Variants in NFKBIA observed in about 807,000 individuals in gnomAD.
The protein encoded by NFKBIA is NF-kappa-B inhibitor alpha.
Under a neutral mutation model 36.3 loss-of-function variants are expected in NFKBIA, and 10 were observed. The ratio of observed to expected loss-of-function variants is 0.28; its 90% confidence interval spans 0.17 to 0.47. NFKBIA has a LOEUF of 0.47. Among genes scored for constraint, NFKBIA ranks in the 20% least tolerant of loss-of-function variants. NFKBIA has a pLI of 0.99. For synonymous variants in NFKBIA, 205 were observed against 164.4 expected, an observed-to-expected ratio of 1.25 and a Z score of -1.89; for missense variants, 355 against 399.3, an observed-to-expected ratio of 0.89 and a Z score of 0.94.
At position 35,404,536 on chromosome 14, in the gene NFKBIA, T is replaced by A; in HGVS notation, c.109A>T (p.Met37Leu). 2 of 1,603,902 alleles carry A rather than the reference T, an allele frequency of 1.2e-6. No homozygotes were observed. The highest frequency in any genetic ancestry group is 2.7e-5 in the African/African-American group (2 of 74,258). Residue 37 changes from methionine to leucine, a missense_variant, in exon 1 of 6, where the codon ATG becomes TTG. Physicochemically the swap from Met to Leu is conservative, Grantham distance 15 (BLOSUM62 2). Transcript: ENST00000216797. ...DDRHDSGLDS[M>L]KDEEYEQMVK... ...ATCTGCTCGTACTCCTCGTCTTTCA[T>A]GGAGTCCAGGCCGCTGTCGTGGCGG...
rs927721263 is a variant in NFKBIA at position 35,402,939 on chromosome 14, G to A, written c.548-80C>T. 23 of 1,419,338 alleles carry A rather than the reference G, an allele frequency of 1.6e-5. No homozygotes were observed. In the East Asian group the frequency reaches 3.1e-4, roughly 19 times the overall value. 87.9% of individuals were successfully genotyped at this position (1,419,338 alleles called of 1,614,324 possible). On this transcript the variant is annotated intron_variant, in intron 3 of 5. Transcript: ENST00000216797. The stretch of plus-strand genomic sequence containing the variant: ...CACCTATTCTTTTATGGAACAAGTA[G>A]TCTTATCTTCTGAATTTTAAGAACC...
In NFKBIA at chr14:35,403,681, G is replaced by A; in HGVS notation, c.336+9C>T. On this transcript the variant is annotated intron_variant, in intron 2 of 5. Coordinates refer to ENST00000216797, the MANE Select transcript of NFKBIA (RefSeq NM_020529.3). ...GTCAGAGAGAACCCGGGCCAGGCAA[G>A]CGGCGCACCTGCTGCAGGTTGTTCT... 3 of 1,603,322 alleles carry A rather than the reference G, an allele frequency of 1.9e-6. No individual in the cohort carries two copies. Among genetic ancestry groups the A allele is most frequent in the African/African-American group, 2.7e-5 (2 of 74,908 alleles).
chr14:35,404,240 G>A (rs1448055728), intron 1 of NFKBIA, 178 bp downstream of exon 1: 7 of 358,864 alleles, frequency 2.0e-5, no homozygotes, highest in Non-Finnish European at 2.9e-5. Context: ...CCGGTGCCCC[G>A]CGCGGCCCTG....
rs768072084 is a variant in NFKBIA, at chr14:35,403,332, T to C, written c.365A>G (p.Asn122Ser). Residue 122 changes from asparagine to serine, a missense_variant, in exon 3 of 6, where the codon AAC becomes AGC. Transcript: ENST00000216797. ...AAGTGCCTCAGCAATTTCTGGCTGGTTGGTGATCACAGCCAAGTGGAGTGG... is the reference window on the plus strand; with the variant it reads ...AAGTGCCTCAGCAATTTCTGGCTGGCTGGTGATCACAGCCAAGTGGAGTGG... ...QTPLHLAVIT[N>S]QPEIAEALLG... 2 of 1,613,954 alleles carry C rather than the reference T, an allele frequency of 1.2e-6. No individual in the cohort carries two copies. The highest frequency in any genetic ancestry group is 2.2e-5 in the East Asian group (1 of 44,876).
chr14:35,402,161 A>G (rs2052734178), intron 5 of NFKBIA, 101 bp from the exon 6 acceptor site: 2 of 1,407,124 alleles, frequency 1.4e-6, no homozygotes, highest in African/African-American at 1.4e-5. Context: ...CTTGGACTCC[A>G]TTCTCCATAG....
intron 2 of NFKBIA, 70 bp downstream of exon 2, chr14:35,403,620 T>C: frequency 8.9e-7 from 1 of 1,126,664 alleles, no homozygotes; most frequent in East Asian, 2.4e-5. Flanking sequence ...TCAGAAAGGA[T>C]CTGGGGTGAC....
chr14:35,402,145 A>G, intron 5 of NFKBIA, 85 bp from the exon 6 acceptor site: 1 of 1,518,630 alleles, frequency 6.6e-7, no homozygotes, highest in South Asian at 1.1e-5. Flanking sequence ...ACTACTGGAA[A>G]TAACTCTTGG....
At position 35,404,665 on chromosome 14, in the gene NFKBIA, G is replaced by C; in HGVS notation, c.-21C>G. On this transcript the variant is annotated 5_prime_UTR_variant, in exon 1 of 6. Coordinates refer to ENST00000216797, the MANE Select transcript of NFKBIA (RefSeq NM_020529.3). ...AACATGGCGCGGACGAGCTGCGGGC[G>C]CTGCTGCGGGTGCGCTGGGCCGCGG... 1 of 1,446,094 alleles carries C rather than the reference G, an allele frequency of 6.9e-7. No individual in the cohort carries two copies. Among genetic ancestry groups the C allele is most frequent in the South Asian group, 1.4e-5 (1 of 73,310 alleles). 89.6% of individuals were successfully genotyped at this position (1,446,094 alleles called of 1,614,324 possible).
rs1041880271 is a variant in NFKBIA, at chr14:35,402,304, C to T, written c.906+90G>A. ...TTTGAGAGACTCATTATGTAGATAC[C>T]CCTCTGATAAGGAGCAGCTCTAGGG... On this transcript the variant is annotated intron_variant, in intron 5 of 5. Transcript: ENST00000216797. 8 of 1,478,016 alleles carry T rather than the reference C, an allele frequency of 5.4e-6. No individual in the cohort carries two copies. In the African/African-American group the frequency reaches 6.9e-5, roughly 13 times the overall value. The allele number at this position is 1,478,016 out of a possible 1,614,324, so 91.6% of individuals were successfully genotyped here. A position where few individuals can be genotyped will look rare whatever the true frequency, so the allele number is the denominator to read the frequency against.
chr14:35,402,452 C>G lies in NFKBIA; in HGVS notation c.848G>C (p.Ser283Thr). 6.2e-7 allele frequency: 1 copy of G among 1,614,208 alleles called. No individual in the cohort carries two copies. The highest frequency in any genetic ancestry group is 8.5e-7 in the Non-Finnish European group (1 of 1,180,040). ...TLENLQMLPE[S>T]EDEESYDTES... is the part of the protein sequence containing the mutation. The stretch of plus-strand genomic sequence containing the variant: ...TGTGTCATAGCTCTCCTCATCCTCA[C>G]TCTCTGGCAGCATCTGAAGGTTTTC... The change falls in exon 5 of 6, where the codon AGT becomes ACT. Residue 283 changes from serine (S) to threonine (T), a missense_variant. Coordinates refer to ENST00000216797, the MANE Select transcript of NFKBIA (RefSeq NM_020529.3).
chr14:35,403,576 AG>A, intron 2 of NFKBIA, 113 bp downstream of exon 2: 2 of 886,034 alleles, frequency 2.3e-6, no homozygotes, highest in Non-Finnish European at 1.9e-6. Context: ...GTGAAGTAAA[AG>A]GTGAGGGTAA....
At chr14:35,404,081 G>A (rs1348008401) in intron 1 of NFKBIA, 4 of 464,904 alleles carry the variant, frequency 8.6e-6, no homozygotes, top group Admixed American at 3.7e-5. Flanking sequence ...CCCGCCAGCG[G>A]CCAGAAACTC....
chr14:35,402,283 A>T lies in NFKBIA; in HGVS notation c.906+111T>A, dbSNP rs1594426171. The T allele has an allele frequency of 3.7e-6, 5 of 1,361,254 alleles. No individual in the cohort carries two copies. The East Asian group carries it at 1.1e-4, about 31-fold the overall frequency. 84.3% of individuals were successfully genotyped at this position (1,361,254 alleles called of 1,614,324 possible). Reference sequence around the variant, plus strand: ...GATACTGGTTATGCACAGAAATTTGAGAGACTCATTATGTAGATACCCCTC... The same window carrying T: ...GATACTGGTTATGCACAGAAATTTGTGAGACTCATTATGTAGATACCCCTC... On this transcript the variant is annotated intron_variant, in intron 5 of 5. Coordinates refer to ENST00000216797, the MANE Select transcript of NFKBIA (RefSeq NM_020529.3).
In NFKBIA at chr14:35,401,983, C is replaced by T. The variant is rs1566589656; in HGVS notation, c.*30G>A. 2.5e-6 allele frequency: 4 copies of T among 1,611,044 alleles called. No homozygotes were observed. Among genetic ancestry groups the T allele is most frequent in the East Asian group, 4.5e-5 (2 of 44,856 alleles). On this transcript the variant is annotated 3_prime_UTR_variant, in exon 6 of 6. Coordinates refer to ENST00000216797, the MANE Select transcript of NFKBIA (RefSeq NM_020529.3). ...AAAACTTTTTTTTTGTACAAATATA[C>T]AAGTCCATGTTCTTTCAGCCCCTTT...
chr14:35,404,494 C>T lies in NFKBIA; in HGVS notation c.151G>A (p.Glu51Lys), dbSNP rs774277544. 4 of 1,603,496 alleles carry T rather than the reference C, an allele frequency of 2.5e-6. No homozygotes were observed. The highest frequency in any genetic ancestry group is 3.4e-6 in the Non-Finnish European group (4 of 1,175,470). Reference protein sequence around the residue: ...EYEQMVKELQEIRLEPQEVPR... With the variant: ...EYEQMVKELQKIRLEPQEVPR... ...ACCTCCTGCGGCTCGAGGCGGATCT[C>T]CTGCAGCTCCTTGACCATCTGCTCG... The change falls in exon 1 of 6, where the codon GAG becomes AAG. Residue 51 changes from glutamate (E) to lysine (K), a missense_variant. By Grantham distance (56) the Glu-to-Lys change is moderately conservative (BLOSUM62 1). Transcript: ENST00000216797.
rs762080279 is a variant in NFKBIA, at chr14:35,403,211, G to C, written c.486C>G (p.Val162=). ...CEQGCLASVG[V]LTQSCTTPHL... ...GCGGGGTGGTGCAGGACTGAGTCAGGACTCCCACGCTGGCCAGGCAGCCCT... is the reference window on the plus strand; with the variant it reads ...GCGGGGTGGTGCAGGACTGAGTCAGCACTCCCACGCTGGCCAGGCAGCCCT... Residue 162 remains valine (V), a synonymous_variant, in exon 3 of 6, where the codon GTC becomes GTG. Coordinates refer to ENST00000216797, the MANE Select transcript of NFKBIA (RefSeq NM_020529.3). 2 of 1,612,564 alleles carry C rather than the reference G, an allele frequency of 1.2e-6. No homozygotes were observed. Among genetic ancestry groups the C allele is most frequent in the Non-Finnish European group, 1.7e-6 (2 of 1,180,006 alleles).
intron 1 of NFKBIA, chr14:35,404,177 G>T (rs992382334): frequency 4.7e-4 from 153 of 325,692 alleles, no homozygotes; most frequent in African/African-American, 3.3e-3. Flanking sequence ...GGGAGGGGGC[G>T]TGTGGCGACG....
At chr14:35,402,251 T>C in intron 5 of NFKBIA, 143 bp downstream of exon 5, 1 of 447,748 alleles carries the variant, frequency 2.2e-6, no homozygotes, top group Non-Finnish European at 3.7e-6. Context: ...GGCAGGTACA[T>C]TCTTGGGATA....
rs376762724 is a variant in NFKBIA at position 35,404,457 on chromosome 14, G to A, written c.188C>T (p.Ser63Leu). 13 of 1,542,190 alleles carry A rather than the reference G, an allele frequency of 8.4e-6. No homozygotes were observed. Among genetic ancestry groups the A allele is most frequent in the African/African-American group, 2.8e-5 (2 of 71,648 alleles). ...GGTGAGCTGCTGCTTCCAGGGCTCC[G>A]AGCCGCGCGGCACCTCCTGCGGCTC... ...RLEPQEVPRGSEPWKQQLTED... is the reference protein window; with the variant it reads ...RLEPQEVPRGLEPWKQQLTED... The change falls in exon 1 of 6, where the codon TCG becomes TTG. Residue 63 changes from serine (S) to leucine (L), a missense_variant. Physicochemically the swap from Ser to Leu is moderately radical, Grantham distance 145 (BLOSUM62 -2). Transcript: ENST00000216797.
Sources: gnomAD v4.1 joint callset for allele counts on GRCh38, gnomAD v4.1.1 for gene constraint, MANE v1.5 for transcripts, NCBI Gene and HGNC (gene_info 2026-07-23, HGNC 2026-07-21) for gene names.